Variants in HPCAL1 observed in about 807,000 individuals in gnomAD.
HPCAL1 encodes hippocalcin-like protein 1.
Under a neutral mutation model 17.1 loss-of-function variants are expected in HPCAL1, and 8 were observed. The observed-to-expected ratio is 0.47, with a 90% CI of 0.27 to 0.84. HPCAL1 has a LOEUF of 0.84. HPCAL1 is among the 40% of genes least tolerant of loss of function. The pLI, the probability that HPCAL1 is intolerant of heterozygous loss-of-function variation, is 0.13. For missense variants in HPCAL1, 165 were observed against 271.1 expected, an observed-to-expected ratio of 0.61 and a Z score of 2.75; for synonymous variants, 112 against 111.4, an observed-to-expected ratio of 1.01 and a Z score of -0.03.
In HPCAL1 at chr2:10,420,233, A is replaced by G. The variant is rs1017902536; in HGVS notation, c.378+98A>G. 1.1e-5 allele frequency: 7 copies of G among 627,410 alleles called. No homozygotes were observed. In the African/African-American group the frequency reaches 2.7e-4, roughly 24 times the overall value. 38.9% of individuals were successfully genotyped at this position (627,410 alleles called of 1,614,324 possible). Reference sequence around the variant, plus strand: ...GCTTTTTTTTTTTTTTTTTTTTTTAAGACAGGAATCTTGCTCTAGTGACTG... The same window carrying G: ...GCTTTTTTTTTTTTTTTTTTTTTTAGGACAGGAATCTTGCTCTAGTGACTG... On this transcript the variant is annotated intron_variant, in intron 3 of 4. Coordinates refer to ENST00000307845, the MANE Select transcript of HPCAL1 (RefSeq NM_002149.4).
At chr2:10,324,583 C>T (rs918796258) in intron 1 of HPCAL1, among the ~76,000 whole-genome samples, 1 of 152,066 alleles carries the variant, frequency 6.6e-6, no homozygotes, top group African/African-American at 2.4e-5. Flanking sequence ...CCTGATTTGC[C>T]GGCTGGTTTT....
At chr2:10,401,089 C>T (rs1009207185) in intron 2 of HPCAL1, among the ~76,000 whole-genome samples, 3 of 152,134 alleles carry the variant, frequency 2.0e-5, no homozygotes, top group East Asian at 1.9e-4. Context: ...CAGCCACAGC[C>T]GAGGCTGCAC....
In HPCAL1 at chr2:10,368,014, T is replaced by G. The variant is rs184047470; in HGVS notation, c.-110-28821T>G. Among the ~76,000 whole-genome samples the G allele has an allele frequency of 1.1e-3, 169 of 151,538 alleles. 1 individual carries two copies. The highest frequency in any genetic ancestry group is 3.7e-3 in the African/African-American group (154 of 41,230). ...GGTGTGTATGTGTGTACATGTGCAT[T>G]GTAGATGTGTGTGCATATGGTGACC... On this transcript the variant is annotated intron_variant, in intron 1 of 4. Coordinates refer to ENST00000307845, the MANE Select transcript of HPCAL1 (RefSeq NM_002149.4).
intron 2 of HPCAL1, among the ~76,000 whole-genome samples, chr2:10,411,832 G>A (rs985810716): frequency 2.0e-5 from 3 of 152,216 alleles, no homozygotes; most frequent in Non-Finnish European, 2.9e-5. Flanking sequence ...CGCTTGCTCA[G>A]GGCAAGGAGG....
intron 3 of HPCAL1, among the ~76,000 whole-genome samples, chr2:10,421,223 A>G (rs950643379): frequency 1.3e-5 from 2 of 152,268 alleles, no homozygotes; most frequent in Non-Finnish European, 2.9e-5. Flanking sequence ...TCAGCTCAGC[A>G]CGGGAAAGAC....
In HPCAL1 at chr2:10,427,147, C is replaced by T. The variant is rs946118429; in HGVS notation, c.*326C>T. On this transcript the variant is annotated 3_prime_UTR_variant, in exon 5 of 5. Coordinates refer to ENST00000307845, the MANE Select transcript of HPCAL1 (RefSeq NM_002149.4). ...GCCGAGGAGACCAGGCAGGACCTCC[C>T]GAGGCTGCGCCCCGGCCGGCCCATG... 5 of 289,346 alleles carry T rather than the reference C, an allele frequency of 1.7e-5. No homozygotes were observed. Among genetic ancestry groups the T allele is most frequent in the South Asian group, 1.4e-4 (3 of 22,144 alleles). The allele number at this position is 289,346 out of a possible 1,614,324, so 17.9% of individuals were successfully genotyped here. A position where few individuals can be genotyped will look rare whatever the true frequency, so the allele number is the denominator to read the frequency against.
At chr2:10,356,718 C>T (rs1666183238) in intron 1 of HPCAL1, among the ~76,000 whole-genome samples, 2 of 152,114 alleles carry the variant, frequency 1.3e-5, no homozygotes, top group Non-Finnish European at 2.9e-5. Context: ...GGCAGAGGTG[C>T]TGAGATGCTC....
intron 1 of HPCAL1, among the ~76,000 whole-genome samples, chr2:10,396,629 C>T (rs544411068): frequency 1.3e-5 from 2 of 152,334 alleles, no homozygotes; most frequent in South Asian, 2.1e-4. Context: ...CTGGGCTTCT[C>T]GCCTGCTGGG....
chr2:10,417,836 G>C (rs1260161841), intron 2 of HPCAL1, among the ~76,000 whole-genome samples: 1 of 151,876 alleles, frequency 6.6e-6, no homozygotes, highest in Non-Finnish European at 1.5e-5. Context: ...GAAGCTAGGA[G>C]CTTGAGACTG....
intron 3 of HPCAL1, 74 bp downstream of exon 3, chr2:10,420,209 C>CTTTT (rs369044166): frequency 0.022 from 12,460 of 566,228 alleles, 386 homozygotes; most frequent in African/African-American, 0.1. Context: ...CAGCCCAGGG[C>CTTTT]TTTTTTTTTT....
At chr2:10,386,991 G>C (rs1668357170) in intron 1 of HPCAL1, among the ~76,000 whole-genome samples, 1 of 152,222 alleles carries the variant, frequency 6.6e-6, no homozygotes. Flanking sequence ...AGCGGGGCTT[G>C]CAGGCCAGGT....
rs376446228 is a variant in HPCAL1 at position 10,303,021 on chromosome 2, G to C, written c.-267G>C. 6.6e-5 allele frequency: 10 copies of C among 151,968 alleles called. No individual in the cohort carries two copies. In the East Asian group the frequency reaches 1.2e-3, roughly 18 times the overall value. The allele number at this position is 151,968 out of a possible 1,614,324, so 9.4% of individuals were successfully genotyped here. A position where few individuals can be genotyped will look rare whatever the true frequency, so the allele number is the denominator to read the frequency against. ...TCTGGGCGGCGATGAGCGCAGGGCC[G>C]GCGCAGCAGCTGCGGGCGCACGGAG... On this transcript the variant is annotated 5_prime_UTR_variant, in exon 1 of 5. Transcript: ENST00000307845.
At chr2:10,379,054 G>A (rs2125533400) in intron 1 of HPCAL1, among the ~76,000 whole-genome samples, 1 of 152,142 alleles carries the variant, frequency 6.6e-6, no homozygotes, top group African/African-American at 2.4e-5. Flanking sequence ...GCGGTCGGGT[G>A]CGGTCGCTCC....
rs555443562 is a variant in HPCAL1, at chr2:10,355,444, C to G, written c.-110-41391C>G. Among the ~76,000 whole-genome samples the G allele has an allele frequency of 1.0e-3, 109 of 104,732 alleles. 1 individual carries two copies. Among genetic ancestry groups the G allele is most frequent in the Non-Finnish European group, 1.6e-3 (87 of 55,654 alleles). The allele number at this position is 104,732 out of a possible 152,430, so 68.7% of individuals were successfully genotyped here. A position where few individuals can be genotyped will look rare whatever the true frequency, so the allele number is the denominator to read the frequency against. ...CCAGCCTGGGCGACAGAGCGAGACT[C>G]CGTCTCAAAAAAAAAAAAAAAAAAA... On this transcript the variant is annotated intron_variant, in intron 1 of 4. Transcript: ENST00000307845.
chr2:10,316,937 A>G (rs1301224378), intron 1 of HPCAL1, among the ~76,000 whole-genome samples: 2 of 152,160 alleles, frequency 1.3e-5, no homozygotes, highest in African/African-American at 2.4e-5. Flanking sequence ...TACCACATTA[A>G]AAAAAATTCG....
intron 1 of HPCAL1, among the ~76,000 whole-genome samples, chr2:10,312,415 C>T (rs149109597): frequency 7.3e-5 from 11 of 149,920 alleles, no homozygotes; most frequent in African/African-American, 1.2e-4. Context: ...CCATCAATGT[C>T]GTCATCACCA....
chr2:10,422,183 C>T (rs1448540953), intron 3 of HPCAL1, among the ~76,000 whole-genome samples: 1 of 152,232 alleles, frequency 6.6e-6, no homozygotes, highest in African/African-American at 2.4e-5. Flanking sequence ...CCATCGATGG[C>T]TCCCTGGCCG....
chr2:10,378,896 G>A (rs116516907), intron 1 of HPCAL1, among the ~76,000 whole-genome samples: 118 of 152,312 alleles, frequency 7.7e-4, no homozygotes, highest in African/African-American at 2.7e-3. Flanking sequence ...GCAGACATAT[G>A]GGTCCATTTC....
At chr2:10,414,432 C>G (rs990939953) in intron 2 of HPCAL1, among the ~76,000 whole-genome samples, 6 of 152,146 alleles carry the variant, frequency 3.9e-5, no homozygotes, top group Non-Finnish European at 8.8e-5. Flanking sequence ...AGAGGCCCCT[C>G]TCCTAGAATT....
Sources: allele counts gnomAD v4.1 joint callset (sites outside exome capture counted in the v4.1 genomes callset), GRCh38; gene constraint gnomAD v4.1.1; transcripts MANE v1.5; gene names NCBI Gene and HGNC (gene_info 2026-07-23, HGNC 2026-07-21).